Variants in TMEM132B observed in about 807,000 individuals in gnomAD.
TMEM132B encodes the protein transmembrane protein 132B.
A neutral mutation model predicts 90.8 loss-of-function variants in TMEM132B; 18 were observed. The ratio of observed to expected loss-of-function variants is 0.20; its 90% confidence interval spans 0.14 to 0.29. The LOEUF (loss-of-function observed/expected upper bound fraction) is 0.29, where lower values mean the gene tolerates loss of function less well. Ranked by LOEUF, TMEM132B falls within the 10% of genes least tolerant of loss-of-function variation. TMEM132B has a pLI of 1.00. For missense variants in TMEM132B, 1,096 were observed against 1,326.8 expected (o/e 0.83, Z 2.70); for synonymous variants, 504 against 523.3 (o/e 0.96, Z 0.50).
At chr12:125,549,854 A>G (rs1381540600) in intron 4 of TMEM132B, among the ~76,000 whole-genome samples, 1 of 152,202 alleles carries the variant, frequency 6.6e-6, no homozygotes, top group Non-Finnish European at 1.5e-5. Context: ...GCTGTGAGGT[A>G]TGATAGGACT....
intron 3 of TMEM132B, among the ~76,000 whole-genome samples, chr12:125,424,080 ATATTC>A (rs1880246407): frequency 6.6e-6 from 1 of 152,192 alleles, no homozygotes; most frequent in African/African-American, 2.4e-5. Flanking sequence ...TTATAGCAGT[ATATTC>A]TATTCATTCC....
chr12:125,587,857 CT>C, intron 5 of TMEM132B: 1 of 152,290 alleles, frequency 6.6e-6, no homozygotes, highest in Non-Finnish European at 1.5e-5. Flanking sequence ...GGGTTGTGCT[CT>C]GCCAAAAAGT....
chr12:125,397,052 A>T (rs144880904), intron 2 of TMEM132B, among the ~76,000 whole-genome samples: 3,164 of 151,380 alleles, frequency 0.021, 105 homozygotes, highest in African/African-American at 0.072. Context: ...GCTCACTGCA[A>T]TCTCCCCCTC....
chr12:125,370,623 G>A (rs1878264646), intron 2 of TMEM132B, among the ~76,000 whole-genome samples: 1 of 152,146 alleles, frequency 6.6e-6, no homozygotes, highest in Non-Finnish European at 1.5e-5. Flanking sequence ...CACCCAGGCT[G>A]GTCTCTAACT....
At chr12:125,278,339 G>C (rs1325445890) in intron 1 of TMEM132B, among the ~76,000 whole-genome samples, 1 of 152,140 alleles carries the variant, frequency 6.6e-6, no homozygotes, top group African/African-American at 2.4e-5. Context: ...CCTTATTCTG[G>C]AGAATCAAGA....
intron 1 of TMEM132B, among the ~76,000 whole-genome samples, chr12:125,220,994 C>T (rs993725394): frequency 6.6e-6 from 1 of 152,246 alleles, no homozygotes; most frequent in Non-Finnish European, 1.5e-5. Flanking sequence ...CACTCTTGCC[C>T]AATGTGTGCG....
Position 125,460,086 on chromosome 12 carries a change from T to C in TMEM132B, c.1106+44409T>C, listed in dbSNP as rs1490215527. 6.6e-6 allele frequency among the ~76,000 whole-genome samples: 1 copy of C among 152,208 alleles called. No homozygotes were observed. Among genetic ancestry groups the C allele is most frequent in the Non-Finnish European group, 1.5e-5 (1 of 68,038 alleles). On this transcript the variant is annotated intron_variant, in intron 3 of 8. Transcript: ENST00000682704. The surrounding 1 kb of genome is among the most constrained non-coding windows in gnomAD (Gnocchi z 4.4). ...TATCAGCAGTGTGTGAACAGACTAA[T>C]ATAACCCATTTTACCTGATGTGATT...
At chr12:125,345,522 T>C (rs770767674) in intron 1 of TMEM132B, among the ~76,000 whole-genome samples, 1 of 152,206 alleles carries the variant, frequency 6.6e-6, no homozygotes, top group African/African-American at 2.4e-5. Context: ...CCCGGCACCC[T>C]GTGAGTTGCT....
rs1032616313 is a variant in TMEM132B, at chr12:125,463,030, C to A, written c.1106+47353C>A. Among the ~76,000 whole-genome samples, 6 of 152,308 alleles carry A rather than the reference C, an allele frequency of 3.9e-5. No individual in the cohort carries two copies. The East Asian group carries it at 1.2e-3, about 29-fold the overall frequency. On this transcript the variant is annotated intron_variant, in intron 3 of 8. Coordinates refer to ENST00000682704, the MANE Select transcript of TMEM132B (RefSeq NM_001366854.1). ...ATGTTAAAGCTTTTAACCTTGGCAT[C>A]ATGTTCCAAATGTTCCAATTGTGTG...
intron 1 of TMEM132B, among the ~76,000 whole-genome samples, chr12:125,346,948 T>C (rs186318364): frequency 7.1e-4 from 108 of 152,370 alleles, no homozygotes; most frequent in African/African-American, 2.6e-3. Context: ...AAATCACTTA[T>C]TTGATCATTT....
At chr12:125,457,317 G>A (rs1196441243) in intron 3 of TMEM132B, among the ~76,000 whole-genome samples, 1 of 152,116 alleles carries the variant, frequency 6.6e-6, no homozygotes, top group African/African-American at 2.4e-5. Flanking sequence ...TCCAACTCAT[G>A]TTTGCCAATT....
At chr12:125,282,499 C>T (rs1009757821) in intron 1 of TMEM132B, among the ~76,000 whole-genome samples, 1 of 152,226 alleles carries the variant, frequency 6.6e-6, no homozygotes, top group Non-Finnish European at 1.5e-5. Context: ...GGCCTGCACA[C>T]ACATCTCATG....
intron 2 of TMEM132B, among the ~76,000 whole-genome samples, chr12:125,394,067 T>G (rs911911825): frequency 1.3e-5 from 2 of 152,084 alleles, no homozygotes; most frequent in African/African-American, 4.8e-5. Flanking sequence ...TATAGCCAGG[T>G]AGGAACTGAG....
At chr12:125,271,599 GCTCT>G (rs1565988766) in intron 1 of TMEM132B, among the ~76,000 whole-genome samples, 7 of 152,146 alleles carry the variant, frequency 4.6e-5, no homozygotes, top group African/African-American at 1.4e-4. Context: ...CACCTCTGGT[GCTCT>G]CTCTGATTGT....
chr12:125,455,175 G>C (rs944900508), intron 3 of TMEM132B, among the ~76,000 whole-genome samples: 1 of 152,048 alleles, frequency 6.6e-6, no homozygotes, highest in Admixed American at 6.6e-5. Flanking sequence ...GGAACAATGG[G>C]GTGGAGGAAA....
intron 1 of TMEM132B, among the ~76,000 whole-genome samples, chr12:125,238,158 T>C (rs1057121729): frequency 6.6e-6 from 1 of 152,012 alleles, no homozygotes; most frequent in South Asian, 2.1e-4. Context: ...ACAAAGATGT[T>C]GGGGACATTT....
rs143979359 is a variant in TMEM132B at position 125,625,841 on chromosome 12, A to G, written c.1438-18235A>G. 4.4e-3 allele frequency among the ~76,000 whole-genome samples: 664 copies of G among 152,320 alleles called. 6 individuals carry two copies. The highest frequency in any genetic ancestry group is 0.036 in the South Asian group (174 of 4,820). On this transcript the variant is annotated intron_variant, in intron 5 of 8. Coordinates refer to ENST00000682704, the MANE Select transcript of TMEM132B (RefSeq NM_001366854.1). ...GGTATTGAAATATTTTTCTTTTGCC[A>G]TTCTAATGAGCTTGTAGTGTTATCT...
intron 2 of TMEM132B, among the ~76,000 whole-genome samples, chr12:125,353,852 T>C (rs1398314706): frequency 1.3e-5 from 2 of 152,218 alleles, no homozygotes; most frequent in Non-Finnish European, 2.9e-5. Flanking sequence ...ATCCAGACTG[T>C]AGAAAGCCTT....
At chr12:125,457,591 C>T (rs1881327805) in intron 3 of TMEM132B, among the ~76,000 whole-genome samples, 1 of 152,146 alleles carries the variant, frequency 6.6e-6, no homozygotes, top group Admixed American at 6.5e-5. Context: ...AGGGGAGAGG[C>T]CACTATACAC....
Sources: gnomAD v4.1 joint callset for allele counts (sites outside exome capture counted in the v4.1 genomes callset) on GRCh38, gnomAD v4.1.1 for gene constraint, Gnocchi (gnomAD v3.1) non-coding constraint, MANE v1.5 for transcripts, NCBI Gene and HGNC (gene_info 2026-07-23, HGNC 2026-07-21) for gene names.